AK5: variants seen among roughly 807,000 people sequenced by gnomAD.
AK5 encodes the protein adenylate kinase 5.
Under a neutral mutation model 69.5 loss-of-function variants are expected in AK5, and 27 were observed. The observed-to-expected ratio is 0.39, with a 90% CI of 0.29 to 0.54. The LOEUF (loss-of-function observed/expected upper bound fraction) is 0.54, where lower values mean the gene tolerates loss of function less well. Among genes scored for constraint, AK5 ranks in the 20% least tolerant of loss-of-function variants. The pLI is 0.71. For synonymous variants in AK5, 260 were observed against 244.4 expected, an observed-to-expected ratio of 1.06 and a Z score of -0.60; for missense variants, 531 against 700.4, an observed-to-expected ratio of 0.76 and a Z score of 2.73.
intron 8 of AK5, among the ~76,000 whole-genome samples, chr1:77,457,939 T>C (rs1653596469): frequency 6.6e-6 from 1 of 151,854 alleles, no homozygotes; most frequent in Non-Finnish European, 1.5e-5. Flanking sequence ...AGTCCTAAAG[T>C]CAAGATGTCA....
intron 10 of AK5, among the ~76,000 whole-genome samples, chr1:77,508,713 G>A (rs6674790): frequency 0.2 from 30,473 of 151,742 alleles, 3,252 homozygotes; most frequent in Non-Finnish European, 0.22. Flanking sequence ...CTAAAAATAC[G>A]AAAAACAGCC....
chr1:77,461,633 G>A (rs1653849601), intron 8 of AK5, among the ~76,000 whole-genome samples: 1 of 151,922 alleles, frequency 6.6e-6, no homozygotes, highest in Non-Finnish European at 1.5e-5. Context: ...AGCGGGGCAT[G>A]GTGGTGCGCA....
intron 12 of AK5, among the ~76,000 whole-genome samples, chr1:77,528,399 A>G (rs763704364): frequency 1.3e-5 from 2 of 152,142 alleles, no homozygotes; most frequent in Non-Finnish European, 2.9e-5. Context: ...CGTCCGATGC[A>G]TTGGACCATC....
chr1:77,411,080 C>T lies in AK5; in HGVS notation c.982+9C>T. ...CAAAGAGGCTGCAGCAGGTAAGTCA[C>T]TGTGTCCTTTAGACAACAGTACGCC... On this transcript the variant is annotated intron_variant, in intron 7 of 13. Coordinates refer to ENST00000354567, the MANE Select transcript of AK5 (RefSeq NM_174858.3). 6.2e-7 allele frequency: 1 copy of T among 1,611,624 alleles called. No homozygotes were observed. The highest frequency in any genetic ancestry group is 1.1e-5 in the South Asian group (1 of 90,356).
chr1:77,466,040 G>T (rs941128732), intron 8 of AK5, among the ~76,000 whole-genome samples: 2 of 151,942 alleles, frequency 1.3e-5, no homozygotes, highest in African/African-American at 2.4e-5. Context: ...CTTACTTCTC[G>T]TTGCTCCTGG....
chr1:77,467,305 C>T (rs924976545), intron 8 of AK5, among the ~76,000 whole-genome samples: 10 of 152,222 alleles, frequency 6.6e-5, no homozygotes, highest in African/African-American at 1.7e-4. Context: ...GTTTCTCCTT[C>T]ATGGGTTTCT....
At chr1:77,325,917 G>C (rs1369769478) in intron 5 of AK5, among the ~76,000 whole-genome samples, 1 of 152,078 alleles carries the variant, frequency 6.6e-6, no homozygotes, top group East Asian at 1.9e-4. Context: ...TAGTGAGCTA[G>C]TTTAACCTGT....
chr1:77,375,681 C>G (rs10873934), intron 6 of AK5, among the ~76,000 whole-genome samples: 29,631 of 152,172 alleles, frequency 0.19, 3,291 homozygotes, highest in Middle Eastern at 0.32. Context: ...ACTGAATCAT[C>G]TTAGTGCTGC....
chr1:77,312,663 A>G (rs1367058156), intron 5 of AK5, among the ~76,000 whole-genome samples: 4 of 151,626 alleles, frequency 2.6e-5, no homozygotes, highest in Non-Finnish European at 4.4e-5. Context: ...GTTCATTCAC[A>G]TCACCACGGA....
chr1:77,323,192 A>T (rs374562739), intron 5 of AK5, among the ~76,000 whole-genome samples: 1 of 152,016 alleles, frequency 6.6e-6, no homozygotes, highest in Non-Finnish European at 1.5e-5. Flanking sequence ...GAGTTTCGCC[A>T]TGTTGGCCGG....
intron 3 of AK5, 51 bp downstream of exon 3, chr1:77,294,011 A>G (rs1049636239): frequency 3.9e-6 from 6 of 1,541,678 alleles, no homozygotes; most frequent in Non-Finnish European, 3.5e-6. Context: ...CTTTGTTTAT[A>G]TATTTACATT....
intron 8 of AK5, among the ~76,000 whole-genome samples, chr1:77,455,847 A>T (rs143939991): frequency 6.6e-5 from 10 of 152,146 alleles, no homozygotes; most frequent in African/African-American, 2.4e-4. Context: ...GGTGATTGTA[A>T]TGTGTGTCTG....
intron 8 of AK5, among the ~76,000 whole-genome samples, chr1:77,467,307 T>C (rs2100687982): frequency 6.6e-6 from 1 of 152,326 alleles, no homozygotes; most frequent in Admixed American, 6.5e-5. Flanking sequence ...TTCTCCTTCA[T>C]GGGTTTCTGT....
chr1:77,518,002 A>G (rs1175842974), intron 10 of AK5, among the ~76,000 whole-genome samples: 1 of 152,248 alleles, frequency 6.6e-6, no homozygotes, highest in Non-Finnish European at 1.5e-5. Context: ...GAGGCATCCA[A>G]TTAGCAACTT....
chr1:77,425,324 G>A lies in AK5; in HGVS notation c.1059+7609G>A, dbSNP rs568621432. ...CATAGAGCCAGGCATGGTGGCTCAC[G>A]CCTGTAATCCCAGCACTTTGGGAGG... On this transcript the variant is annotated intron_variant, in intron 8 of 13. Coordinates refer to ENST00000354567, the MANE Select transcript of AK5 (RefSeq NM_174858.3). Among the ~76,000 whole-genome samples, 10 of 152,268 alleles carry A rather than the reference G, an allele frequency of 6.6e-5. No homozygotes were observed. The South Asian group carries it at 1.2e-3, about 19-fold the overall frequency.
At chr1:77,485,635 T>C (rs1425459531) in intron 9 of AK5, among the ~76,000 whole-genome samples, 1 of 152,236 alleles carries the variant, frequency 6.6e-6, no homozygotes. Flanking sequence ...TAACCATCTG[T>C]ATATAAAGGA....
intron 3 of AK5, among the ~76,000 whole-genome samples, chr1:77,294,720 T>C (rs1658887891): frequency 6.6e-6 from 1 of 152,118 alleles, no homozygotes; most frequent in Non-Finnish European, 1.5e-5. Flanking sequence ...TATGGAATTA[T>C]CGGCCCCATG....
chr1:77,373,230 A>G (rs182666810), intron 6 of AK5, among the ~76,000 whole-genome samples: 4 of 152,268 alleles, frequency 2.6e-5, no homozygotes, highest in Admixed American at 2.6e-4. Context: ...AATATTTTAC[A>G]TTTGAGGCAT....
chr1:77,455,912 C>G (rs1653454973), intron 8 of AK5, among the ~76,000 whole-genome samples: 1 of 152,178 alleles, frequency 6.6e-6, no homozygotes, highest in African/African-American at 2.4e-5. Flanking sequence ...GGGATCAAGT[C>G]TTCCAGAATA....
Sources: gnomAD v4.1 joint callset for allele counts (sites outside exome capture counted in the v4.1 genomes callset) on GRCh38, gnomAD v4.1.1 for gene constraint, MANE v1.5 for transcripts, NCBI Gene and HGNC (gene_info 2026-07-23, HGNC 2026-07-21) for gene names.